ASTN2: variants seen among roughly 807,000 people sequenced by gnomAD.
ASTN2 encodes astrotactin-2.
A neutral mutation model predicts 139.8 loss-of-function variants in ASTN2; 54 were observed. The observed-to-expected ratio is 0.39, with a 90% CI of 0.31 to 0.48. The LOEUF (loss-of-function observed/expected upper bound fraction) is 0.48, where lower values mean the gene tolerates loss of function less well. ASTN2 is among the 20% of genes least tolerant of loss of function. The pLI is 0.95. For missense variants in ASTN2, 1,565 were observed against 1,725.1 expected (o/e 0.91, Z 1.64); for synonymous variants, 756 against 719.5 (o/e 1.05, Z -0.81).
At chr9:116,727,131 A>T (rs1469708762) in intron 15 of ASTN2, among the ~76,000 whole-genome samples, 2 of 152,030 alleles carry the variant, frequency 1.3e-5, no homozygotes, top group East Asian at 3.9e-4. Context: ...CTTCTCCAAG[A>T]AGCCTTTCAC....
intron 2 of ASTN2, among the ~76,000 whole-genome samples, chr9:117,252,800 C>T (rs1277382254): frequency 1.3e-5 from 2 of 152,150 alleles, no homozygotes; most frequent in Non-Finnish European, 2.9e-5. Flanking sequence ...TGCCAAAGCC[C>T]TTTTTCCATT....
At chr9:117,365,140 C>T (rs1034214401) in intron 1 of ASTN2, among the ~76,000 whole-genome samples, 4 of 149,432 alleles carry the variant, frequency 2.7e-5, no homozygotes, top group Admixed American at 6.7e-5. Flanking sequence ...TGGAGCAAAA[C>T]CCTGTCTCAG....
At chr9:117,289,764 G>A (rs1834541099) in intron 2 of ASTN2, among the ~76,000 whole-genome samples, 1 of 152,152 alleles carries the variant, frequency 6.6e-6, no homozygotes, top group African/African-American at 2.4e-5. Context: ...GCACCCACTT[G>A]CTTGGTGTGA....
At position 116,756,049 on chromosome 9, in the gene ASTN2, G is replaced by T. The variant is rs141671525; in HGVS notation, c.2397-22526C>A. 3.1e-3 allele frequency among the ~76,000 whole-genome samples: 475 copies of T among 152,332 alleles called. 1 individual carries two copies. The highest frequency in any genetic ancestry group is 0.011 in the African/African-American group (459 of 41,564). On this transcript the variant is annotated intron_variant, in intron 13 of 22. Coordinates refer to ENST00000313400, the MANE Select transcript of ASTN2 (RefSeq NM_001365068.1). ...ACATGTGTGTTCTTTTAATCACTAA[G>T]TCTGTGGTAATTTGTTACAGTAGCC...
At chr9:117,087,778 A>T (rs1321723907) in intron 5 of ASTN2, among the ~76,000 whole-genome samples, 3 of 152,220 alleles carry the variant, frequency 2.0e-5, no homozygotes, top group African/African-American at 7.2e-5. Context: ...GAGGTCAGAG[A>T]ACAAATGTGT....
At chr9:116,757,925 C>T (rs190586284) in intron 13 of ASTN2, among the ~76,000 whole-genome samples, 151 of 152,214 alleles carry the variant, frequency 9.9e-4, no homozygotes, top group Middle Eastern at 6.8e-3. Context: ...CATAGAACAC[C>T]TATCACAGGC....
chr9:116,957,578 A>G (rs944797182), intron 10 of ASTN2, among the ~76,000 whole-genome samples: 1 of 152,182 alleles, frequency 6.6e-6, no homozygotes, highest in Admixed American at 6.5e-5. Context: ...TTGCTTTTAT[A>G]AGCTTGATGT....
At chr9:116,701,165 CCTTA>C (rs2132079744) in intron 16 of ASTN2, 1 of 167,150 alleles carries the variant, frequency 6.0e-6, no homozygotes, top group Non-Finnish European at 1.5e-5. Context: ...AGAGCAACTG[CCTTA>C]CTTTGATGTA....
intron 5 of ASTN2, among the ~76,000 whole-genome samples, chr9:117,059,307 G>A (rs1839167742): frequency 6.6e-6 from 1 of 152,108 alleles, no homozygotes; most frequent in African/African-American, 2.4e-5. Context: ...CTGCCATGGG[G>A]AAGTACAGAT....
At chr9:116,513,647 T>C (rs868670966) in intron 19 of ASTN2, among the ~76,000 whole-genome samples, 11 of 152,222 alleles carry the variant, frequency 7.2e-5, no homozygotes, top group Non-Finnish European at 1.5e-4. Flanking sequence ...CTATCAGACG[T>C]AGATTTGGTC....
At chr9:117,196,558 T>C (rs1165992605) in intron 3 of ASTN2, among the ~76,000 whole-genome samples, 4 of 152,178 alleles carry the variant, frequency 2.6e-5, no homozygotes, top group Non-Finnish European at 5.9e-5. Flanking sequence ...TCACAATGCC[T>C]TCCTATCTAT....
chr9:116,767,519 T>C (rs568350153), intron 13 of ASTN2, among the ~76,000 whole-genome samples: 13 of 152,308 alleles, frequency 8.5e-5, no homozygotes, highest in Non-Finnish European at 2.9e-5. Flanking sequence ...CGGAGGGAGC[T>C]GACAGCTCCT....
At chr9:117,109,286 AATT>A (rs1379130355) in intron 4 of ASTN2, among the ~76,000 whole-genome samples, 1 of 108,432 alleles carries the variant, frequency 9.2e-6, no homozygotes, top group Non-Finnish European at 2.0e-5. Flanking sequence ...TGTCTCAAAA[AATT>A]AATTAATAAA....
intron 15 of ASTN2, among the ~76,000 whole-genome samples, chr9:116,727,013 AACACAC>A (rs34050784): frequency 0.22 from 31,246 of 144,296 alleles, 3,773 homozygotes; most frequent in Admixed American, 0.35. Flanking sequence ...CACTACACTC[AACACAC>A]ACACACACAC....
In ASTN2 at chr9:116,725,763, G is replaced by C. The variant is rs574409013; in HGVS notation, c.2806+8C>G. On this transcript the variant is annotated splice_region_variant and intron_variant, in intron 16 of 22. Transcript: ENST00000313400. ...GGCCACCTCCTACAGTAGGCACTCC[G>C]GGCTTACCTTTCTGATACTGGAGCC... 1.9e-6 allele frequency: 3 copies of C among 1,611,688 alleles called. No individual in the cohort carries two copies. The highest frequency in any genetic ancestry group is 2.2e-5 in the South Asian group (2 of 90,774).
At chr9:116,657,674 C>T (rs1234925609) in intron 16 of ASTN2, among the ~76,000 whole-genome samples, 3 of 152,052 alleles carry the variant, frequency 2.0e-5, no homozygotes, top group Non-Finnish European at 4.4e-5. Flanking sequence ...AACCCCATGC[C>T]GATGAAAAAC....
chr9:116,450,687 C>G (rs899896264), intron 20 of ASTN2, among the ~76,000 whole-genome samples: 1 of 152,090 alleles, frequency 6.6e-6, no homozygotes, highest in Non-Finnish European at 1.5e-5. Context: ...TTTCTGTTCC[C>G]CTTTGGTCTA....
At chr9:116,437,065 G>C (rs1026812680) in intron 22 of ASTN2, among the ~76,000 whole-genome samples, 9 of 150,466 alleles carry the variant, frequency 6.0e-5, no homozygotes, top group Non-Finnish European at 1.2e-4. Flanking sequence ...GTTGTGGGGT[G>C]GGGGTGGGGG....
intron 5 of ASTN2, among the ~76,000 whole-genome samples, chr9:117,088,041 C>T (rs1462231427): frequency 6.6e-6 from 1 of 152,148 alleles, no homozygotes; most frequent in Non-Finnish European, 1.5e-5. Context: ...CATTTTTAAC[C>T]TTGAGGAAAA....
Sources: gnomAD v4.1 joint callset for allele counts (sites outside exome capture counted in the v4.1 genomes callset) on GRCh38, gnomAD v4.1.1 for gene constraint, MANE v1.5 for transcripts, NCBI Gene and HGNC (gene_info 2026-07-23, HGNC 2026-07-21) for gene names.